Variants in NAA15 observed in about 807,000 individuals in gnomAD.
NAA15 encodes the protein N-terminal acetyltransferase.
In NAA15, 34 loss-of-function variants were observed where a neutral mutation model predicts 114.0. That is an observed-to-expected ratio of 0.30 (90% CI 0.23 to 0.40). NAA15 has a LOEUF of 0.40. Ranked by LOEUF, NAA15 falls within the 10% of genes least tolerant of loss-of-function variation. The pLI is 1.00. For missense variants in NAA15, 658 were observed against 1,004.5 expected (o/e 0.66, Z 4.66); for synonymous variants, 340 against 338.0 (o/e 1.01, Z -0.06).
intron 11 of NAA15, among the ~76,000 whole-genome samples, chr4:139,358,009 G>C (rs1023145352): frequency 6.6e-6 from 1 of 152,050 alleles, no homozygotes; most frequent in African/African-American, 2.4e-5. Flanking sequence ...CCTTGCTTGA[G>C]AATTTTTAGT....
At chr4:139,315,041 G>GTTTAGTTTAGTTTAGTTTAGT (rs1560952979) in intron 1 of NAA15, among the ~76,000 whole-genome samples, 1 of 96,546 alleles carries the variant, frequency 1.0e-5, no homozygotes, top group African/African-American at 4.3e-5. Flanking sequence ...GTTAGGTTAG[G>GTTTAGTTTAGTTTAGTTTAGT]TTAGGTTAGG....
chr4:139,315,005 GT>G lies in NAA15; in HGVS notation c.54+13177del, dbSNP rs1560952765. 2.3e-3 allele frequency among the ~76,000 whole-genome samples: 266 copies of G among 117,700 alleles called. 13 individuals carry two copies. Among genetic ancestry groups the G allele is most frequent in the South Asian group, 4.3e-3 (15 of 3,454 alleles). The allele number at this position is 117,700 out of a possible 152,430, so 77.2% of individuals were successfully genotyped here. A position where few individuals can be genotyped will look rare whatever the true frequency, so the allele number is the denominator to read the frequency against. On this transcript the variant is annotated intron_variant, in intron 1 of 19. Transcript: ENST00000296543. Reference sequence around the variant, plus strand: ...GAAGCGTTCAGTTCAGTTCAGTTTAGTTTAGGTTAGGTTAGGTTAGGTTAGG... The same window carrying G: ...GAAGCGTTCAGTTCAGTTCAGTTTAGTTAGGTTAGGTTAGGTTAGGTTAGG...
chr4:139,376,287 T>A (rs1374122202), intron 15 of NAA15, 78 bp from the exon 16 acceptor site: 3 of 902,574 alleles, frequency 3.3e-6, no homozygotes, highest in Non-Finnish European at 5.1e-6. Context: ...TTTTTAAAAA[T>A]AAGAATTTTT....
intron 1 of NAA15, among the ~76,000 whole-genome samples, chr4:139,306,866 A>G (rs536820274): frequency 5.3e-5 from 8 of 152,198 alleles, no homozygotes; most frequent in Non-Finnish European, 1.2e-4. Flanking sequence ...ATGCCTTTCA[A>G]TCAAGTATTG....
In NAA15 at chr4:139,351,308, G is replaced by T. The variant is rs776985851; in HGVS notation, c.907+22G>T. On this transcript the variant is annotated intron_variant, in intron 8 of 19. Transcript: ENST00000296543. ...TCTGGTAAGTGAGAATAATTGCAAAGGAATAGAAATGCTTTTATGATTTAA... is the reference window on the plus strand; with the variant it reads ...TCTGGTAAGTGAGAATAATTGCAAATGAATAGAAATGCTTTTATGATTTAA... The T allele has an allele frequency of 1.8e-5, 26 of 1,481,658 alleles. 1 individual carries two copies. The South Asian group carries it at 3.1e-4, about 18-fold the overall frequency. The allele number at this position is 1,481,658 out of a possible 1,614,324, so 91.8% of individuals were successfully genotyped here. A position where few individuals can be genotyped will look rare whatever the true frequency, so the allele number is the denominator to read the frequency against.
intron 17 of NAA15, among the ~76,000 whole-genome samples, chr4:139,379,915 C>T (rs576471676): frequency 6.6e-6 from 1 of 152,208 alleles, no homozygotes; most frequent in African/African-American, 2.4e-5. Flanking sequence ...CATGGTGGCA[C>T]ATGCCTGTAG....
At chr4:139,337,329 A>C (rs1367091929) in intron 3 of NAA15, among the ~76,000 whole-genome samples, 1 of 152,218 alleles carries the variant, frequency 6.6e-6, no homozygotes, top group African/African-American at 2.4e-5. Context: ...AAAATAAGGA[A>C]TATTAGAGCG....
chr4:139,343,049 A>G (rs895975173), intron 5 of NAA15, 89 bp downstream of exon 5: 3 of 1,212,868 alleles, frequency 2.5e-6, no homozygotes, highest in African/African-American at 3.1e-5. Context: ...TAATTTTGAA[A>G]TAGTTTCAAA....
chr4:139,324,663 G>C (rs1746730556), intron 1 of NAA15, among the ~76,000 whole-genome samples: 1 of 152,202 alleles, frequency 6.6e-6, no homozygotes, highest in Non-Finnish European at 1.5e-5. Context: ...CGGGCGCAGT[G>C]GCTCACGCCT....
At chr4:139,353,882 C>A in intron 9 of NAA15, 144 bp from the exon 10 acceptor site, 1 of 602,588 alleles carries the variant, frequency 1.7e-6, no homozygotes, top group Non-Finnish European at 2.9e-6. Context: ...AAATTTGTAT[C>A]TAGAGGTTAA....
chr4:139,336,324 A>G lies in NAA15; in HGVS notation c.140-524A>G, dbSNP rs562316235. Among the ~76,000 whole-genome samples, 17 of 152,238 alleles carry G rather than the reference A, an allele frequency of 1.1e-4. No homozygotes were observed. The South Asian group carries it at 3.1e-3, about 28-fold the overall frequency. On this transcript the variant is annotated intron_variant, in intron 2 of 19. Transcript: ENST00000296543. ...TTAATCTTTTGGTTGCCAATGATAGATTTCTGACATCTTTTTCTTGTATAT... is the reference window on the plus strand; with the variant it reads ...TTAATCTTTTGGTTGCCAATGATAGGTTTCTGACATCTTTTTCTTGTATAT...
chr4:139,364,856 C>A (rs1283558839), intron 14 of NAA15, among the ~76,000 whole-genome samples: 3 of 151,986 alleles, frequency 2.0e-5, no homozygotes, highest in Non-Finnish European at 2.9e-5. Context: ...CTATGTAGGC[C>A]AGTATGTTAA....
Position 139,370,340 on chromosome 4 carries a change from A to C in NAA15, c.1883A>C (p.Lys628Thr). 1 of 1,596,814 alleles carries C rather than the reference A, an allele frequency of 6.3e-7. No homozygotes were observed. Among genetic ancestry groups the C allele is most frequent in the Non-Finnish European group, 8.5e-7 (1 of 1,171,462 alleles). ...CAGCAGAGAAATCAGAAAAAGAAGAAGGATGATGATGATGAGGAGATAGGA... is the reference window on the plus strand; with the variant it reads ...CAGCAGAGAAATCAGAAAAAGAAGACGGATGATGATGATGAGGAGATAGGA... ...EKQQRNQKKK[K>T]DDDDEEIGGP... Residue 628 changes from lysine (K) to threonine (T), a missense_variant, in exon 15 of 20, where the codon AAG (lysine) becomes ACG (threonine). Physicochemically the swap from Lys to Thr is moderately conservative, Grantham distance 78. Transcript: ENST00000296543.
At chr4:139,332,493 T>C (rs1231000549) in intron 1 of NAA15, among the ~76,000 whole-genome samples, 1 of 151,754 alleles carries the variant, frequency 6.6e-6, no homozygotes, top group African/African-American at 2.4e-5. Flanking sequence ...GAAGAATACA[T>C]GGACACAAAA....
intron 15 of NAA15, among the ~76,000 whole-genome samples, chr4:139,371,084 A>C (rs1477165037): frequency 1.3e-5 from 2 of 152,178 alleles, no homozygotes; most frequent in African/African-American, 2.4e-5. Flanking sequence ...CCTGCTTTGT[A>C]TGAAAATAAT....
At chr4:139,304,519 G>A (rs1745941854) in intron 1 of NAA15, among the ~76,000 whole-genome samples, 2 of 152,178 alleles carry the variant, frequency 1.3e-5, no homozygotes, top group Admixed American at 1.3e-4. Flanking sequence ...AGTCCCTTAT[G>A]TAAAGTGGTG....
chr4:139,331,254 T>G (rs1440752225), intron 1 of NAA15, among the ~76,000 whole-genome samples: 1 of 152,126 alleles, frequency 6.6e-6, no homozygotes, highest in Non-Finnish European at 1.5e-5. Flanking sequence ...CTTCAGCCCT[T>G]TATTTTGTCT....
intron 15 of NAA15, 46 bp downstream of exon 15, chr4:139,370,450 C>A: frequency 6.8e-7 from 1 of 1,473,936 alleles, no homozygotes; most frequent in Non-Finnish European, 9.0e-7. Flanking sequence ...ATTTTATGAC[C>A]AGCTCTTGTC....
chr4:139,342,991 G>C (rs1560966180), intron 5 of NAA15, 31 bp downstream of exon 5: 2 of 1,577,166 alleles, frequency 1.3e-6, no homozygotes, highest in East Asian at 2.2e-5. Context: ...TACTAAGTCT[G>C]ATCCTAAGTA....
Sources: allele counts gnomAD v4.1 joint callset (sites outside exome capture counted in the v4.1 genomes callset), GRCh38; gene constraint gnomAD v4.1.1; transcripts MANE v1.5; gene names NCBI Gene and HGNC (gene_info 2026-07-23, HGNC 2026-07-21).